Variants in LAMA2 observed in about 807,000 individuals in gnomAD.
LAMA2 encodes laminin subunit alpha-2.
A neutral mutation model predicts 364.8 loss-of-function variants in LAMA2; 269 were observed. The observed-to-expected ratio is 0.74, with a 90% confidence interval of 0.67 to 0.82. LAMA2 has a LOEUF of 0.82. Ranked by LOEUF, LAMA2 falls within the 40% of genes least tolerant of loss-of-function variation. The pLI, the probability that LAMA2 is intolerant of heterozygous loss-of-function variation, is 0.00. For synonymous variants in LAMA2, 1,379 were observed against 1,370.6 expected (o/e 1.01, Z -0.14); for missense variants, 3,807 against 3,873.2 (o/e 0.98, Z 0.45).
chr6:128,964,064 C>G (rs1285911219), intron 1 of LAMA2, among the ~76,000 whole-genome samples: 1 of 152,020 alleles, frequency 6.6e-6, no homozygotes, highest in African/African-American at 2.4e-5. Flanking sequence ...AAAACACAGT[C>G]TTTTTCTTTG....
chr6:129,062,915 T>TTTTG lies in LAMA2; in HGVS notation c.396+3022_396+3023insGTTT, dbSNP rs1305030037. On this transcript the variant is annotated intron_variant, in intron 3 of 64. Transcript: ENST00000421865. ...AAATCACTATAGATTACAGTGGGTT[T>TTTTG]TTTTTTTTTTTTTTTTACATTTTAA... Among the ~76,000 whole-genome samples, 133 of 138,414 alleles carry TTTTG rather than the reference T, an allele frequency of 9.6e-4. 1 individual carries two copies. Among genetic ancestry groups the TTTTG allele is most frequent in the Non-Finnish European group, 1.0e-4 (7 of 67,142 alleles). The allele number at this position is 138,414 out of a possible 152,430, so 90.8% of individuals were successfully genotyped here. A position where few individuals can be genotyped will look rare whatever the true frequency, so the allele number is the denominator to read the frequency against.
chr6:128,922,628 G>T (rs1288493187), intron 1 of LAMA2, among the ~76,000 whole-genome samples: 2 of 151,826 alleles, frequency 1.3e-5, no homozygotes, highest in Non-Finnish European at 1.5e-5. Flanking sequence ...AGATGAGCAG[G>T]TTGCGAAAAT....
intron 40 of LAMA2, among the ~76,000 whole-genome samples, chr6:129,405,517 G>C (rs541395547): frequency 9.2e-5 from 14 of 152,212 alleles, no homozygotes; most frequent in Non-Finnish European, 1.6e-4. Context: ...ATTACACCAT[G>C]TCTGCTGTTA....
At chr6:128,994,534 T>C (rs989065951) in intron 1 of LAMA2, among the ~76,000 whole-genome samples, 1 of 152,232 alleles carries the variant, frequency 6.6e-6, no homozygotes, top group South Asian at 2.1e-4. Context: ...CTGTATAGGT[T>C]TATCTTTGAA....
chr6:129,136,630 A>G (rs1184688089), intron 4 of LAMA2, among the ~76,000 whole-genome samples: 2 of 152,062 alleles, frequency 1.3e-5, no homozygotes, highest in Non-Finnish European at 2.9e-5. Flanking sequence ...AAATAAAAAT[A>G]TAAAATAGCA....
At chr6:129,129,677 C>A (rs1168130021) in intron 4 of LAMA2, among the ~76,000 whole-genome samples, 6 of 152,110 alleles carry the variant, frequency 3.9e-5, no homozygotes, top group Non-Finnish European at 7.4e-5. Flanking sequence ...GTAATCCCAG[C>A]ACTTTGGGAG....
chr6:128,938,802 G>A (rs1241363653), intron 1 of LAMA2, among the ~76,000 whole-genome samples: 2 of 152,174 alleles, frequency 1.3e-5, no homozygotes, highest in East Asian at 3.9e-4. Flanking sequence ...GCCAGCAAAA[G>A]GGATAGAATT....
At chr6:129,470,787 C>A (rs1158434954) in intron 51 of LAMA2, among the ~76,000 whole-genome samples, 1 of 151,816 alleles carries the variant, frequency 6.6e-6, no homozygotes, top group African/African-American at 2.4e-5. Flanking sequence ...TGCTCCTTTT[C>A]AGTGACCAGA....
intron 61 of LAMA2, 86 bp downstream of exon 61, chr6:129,505,441 C>A: frequency 9.7e-7 from 1 of 1,032,940 alleles, no homozygotes; most frequent in Non-Finnish European, 1.5e-6. Flanking sequence ...CACATGGGCC[C>A]ATGAAAACTG....
intron 27 of LAMA2, among the ~76,000 whole-genome samples, chr6:129,319,384 C>A (rs1004744536): frequency 1.3e-5 from 2 of 152,110 alleles, no homozygotes; most frequent in Admixed American, 6.5e-5. Context: ...GGGGGAATAT[C>A]TTTATAATAA....
chr6:129,417,342 A>C (rs1780849335), intron 40 of LAMA2, among the ~76,000 whole-genome samples: 1 of 152,108 alleles, frequency 6.6e-6, no homozygotes, highest in African/African-American at 2.4e-5. Context: ...AGCACCCTCA[A>C]CAGAGGTGAG....
At chr6:129,476,934 T>A (rs1057180132) in intron 53 of LAMA2, among the ~76,000 whole-genome samples, 2 of 152,158 alleles carry the variant, frequency 1.3e-5, no homozygotes, top group Non-Finnish European at 2.9e-5. Flanking sequence ...TCACCTGATA[T>A]ACACTGCCAA....
chr6:129,102,247 C>T (rs564693534), intron 4 of LAMA2, among the ~76,000 whole-genome samples: 1 of 151,708 alleles, frequency 6.6e-6, no homozygotes, highest in South Asian at 2.1e-4. Flanking sequence ...AGTGGTTCTC[C>T]TGCCTCAGCC....
intron 1 of LAMA2, among the ~76,000 whole-genome samples, chr6:129,040,609 A>G (rs1330012862): frequency 2.0e-5 from 3 of 152,218 alleles, no homozygotes; most frequent in Non-Finnish European, 4.4e-5. Flanking sequence ...AGCCTGGGCA[A>G]CAAGAGTGAG....
At chr6:129,431,282 C>A (rs941051181) in intron 41 of LAMA2, among the ~76,000 whole-genome samples, 1 of 151,592 alleles carries the variant, frequency 6.6e-6, no homozygotes, top group African/African-American at 2.4e-5. Context: ...GCCTGTAATC[C>A]CAGCTACTCA....
intron 8 of LAMA2, chr6:129,158,865 T>C: frequency 6.2e-7 from 1 of 1,613,798 alleles, no homozygotes; most frequent in East Asian, 2.2e-5. Flanking sequence ...TCTTCTTCTA[T>C]GATGGCAAAG....
intron 18 of LAMA2, among the ~76,000 whole-genome samples, chr6:129,285,371 GA>G (rs750304780): frequency 3.3e-5 from 5 of 152,116 alleles, no homozygotes; most frequent in African/African-American, 1.2e-4. Flanking sequence ...CGTCCTGCAA[GA>G]AAAAATAAAT....
chr6:129,494,559 G>A (rs1785057534), intron 58 of LAMA2, among the ~76,000 whole-genome samples: 1 of 152,152 alleles, frequency 6.6e-6, no homozygotes, highest in Non-Finnish European at 1.5e-5. Flanking sequence ...TTTCATATCT[G>A]TTATTTCATT....
At position 128,994,738 on chromosome 6, in the gene LAMA2, C is replaced by T. The variant is rs545833000; in HGVS notation, c.113-55180C>T. On this transcript the variant is annotated intron_variant, in intron 1 of 64. Coordinates refer to ENST00000421865, the MANE Select transcript of LAMA2 (RefSeq NM_000426.4). ...AAAATTAAAAACTTTAAGCAGGTATCATGTAGAATAACATACTCAACAGAT... is the reference window on the plus strand; with the variant it reads ...AAAATTAAAAACTTTAAGCAGGTATTATGTAGAATAACATACTCAACAGAT... Among the ~76,000 whole-genome samples, 4 of 152,190 alleles carry T rather than the reference C, an allele frequency of 2.6e-5. No homozygotes were observed. The South Asian group carries it at 8.3e-4, about 32-fold the overall frequency.
Sources: allele counts gnomAD v4.1 joint callset (sites outside exome capture counted in the v4.1 genomes callset), GRCh38; gene constraint gnomAD v4.1.1; transcripts MANE v1.5; gene names NCBI Gene and HGNC (gene_info 2026-07-23, HGNC 2026-07-21).